Variants in LTF observed in about 807,000 individuals in gnomAD.
LTF encodes epididymis luminal protein 110.
In LTF, 91 loss-of-function variants were observed where a neutral mutation model predicts 87.2. The observed-to-expected ratio is 1.04, with a 90% CI of 0.88 to 1.24. LTF has a LOEUF of 1.24. LTF is among the 50% of genes most tolerant of loss of function. LTF has a pLI of 0.00. For synonymous variants in LTF, 378 were observed against 356.1 expected, an observed-to-expected ratio of 1.06 and a Z score of -0.69; for missense variants, 901 against 904.3, an observed-to-expected ratio of 1.00 and a Z score of 0.05.
intron 12 of LTF, 113 bp downstream of exon 12, chr3:46,445,168 C>A (rs1702617538): frequency 3.6e-6 from 4 of 1,123,426 alleles, no homozygotes; most frequent in Non-Finnish European, 5.0e-6. Context: ...TGGAAGAGGC[C>A]TGCAGGCCAC....
intron 13 of LTF, among the ~76,000 whole-genome samples, chr3:46,443,177 G>A (rs1702563755): frequency 6.6e-6 from 1 of 152,216 alleles, no homozygotes; most frequent in Non-Finnish European, 1.5e-5. Flanking sequence ...CGAGGCTATT[G>A]AGGCCTACTG....
At chr3:46,442,759 C>T (rs967515211) in intron 13 of LTF, among the ~76,000 whole-genome samples, 5 of 152,086 alleles carry the variant, frequency 3.3e-5, no homozygotes, top group South Asian at 2.1e-4. Context: ...AGACACATGA[C>T]GCCATCTGGT....
upstream of LTF, among the ~76,000 whole-genome samples, chr3:46,469,811 G>C (rs1703260934): frequency 1.3e-5 from 2 of 152,202 alleles, no homozygotes; most frequent in African/African-American, 4.8e-5. Flanking sequence ...TCCATCAGGA[G>C]GGAAGATCTG....
chr3:46,454,055 G>T, intron 6 of LTF: 1 of 518,562 alleles, frequency 1.9e-6, no homozygotes, highest in Non-Finnish European at 3.5e-6. Flanking sequence ...TGTCTTGGAG[G>T]ACTGGAGGAC....
chr3:46,478,999 C>A (rs1703397661), intron 1 of LTF, among the ~76,000 whole-genome samples: 1 of 152,204 alleles, frequency 6.6e-6, no homozygotes, highest in African/African-American at 2.4e-5. Context: ...TTATCCTGGA[C>A]CAGGTCCTTG....
chr3:46,441,539 T>C, intron 13 of LTF, 56 bp from the exon 14 acceptor site: 1 of 1,285,758 alleles, frequency 7.8e-7, no homozygotes, highest in Non-Finnish European at 1.1e-6. Flanking sequence ...AGTGGGGCTT[T>C]CATAAATATT....
chr3:46,479,156 A>G (rs969811968), intron 1 of LTF, among the ~76,000 whole-genome samples: 3 of 152,236 alleles, frequency 2.0e-5, no homozygotes, highest in African/African-American at 7.2e-5. Context: ...CCTGTGCCCA[A>G]GGCTCTGTGC....
At chr3:46,443,333 C>A (rs1191040935) in intron 13 of LTF, 108 bp downstream of exon 13, 5 of 1,352,750 alleles carry the variant, frequency 3.7e-6, no homozygotes, top group African/African-American at 2.9e-5. Flanking sequence ...CACAGGATGA[C>A]CCCCACTCTG....
At chr3:46,464,606 G>A (rs770141106) in intron 1 of LTF, among the ~76,000 whole-genome samples, 2 of 152,204 alleles carry the variant, frequency 1.3e-5, no homozygotes. Flanking sequence ...GCAGAGCTAG[G>A]CGTGCCCCGA....
intron 1 of LTF, 135 bp downstream of exon 1, chr3:46,464,690 C>G: frequency 1.1e-6 from 1 of 922,962 alleles, no homozygotes; most frequent in Non-Finnish European, 1.7e-6. Flanking sequence ...GGCCGCCTCC[C>G]GGCTGTAGGC....
At chr3:46,471,091 G>A (rs1290008565) in intron 1 of LTF, among the ~76,000 whole-genome samples, 5 of 152,192 alleles carry the variant, frequency 3.3e-5, no homozygotes, top group Non-Finnish European at 4.4e-5. Flanking sequence ...CTTGCAGACA[G>A]TGTTGACAGA....
intron 1 of LTF, among the ~76,000 whole-genome samples, chr3:46,478,619 A>C (rs1228149215): frequency 1.3e-5 from 2 of 152,290 alleles, no homozygotes; most frequent in South Asian, 2.1e-4. Flanking sequence ...GGCCAAGGGG[A>C]GGACAGAAGA....
intron 13 of LTF, among the ~76,000 whole-genome samples, chr3:46,442,940 A>G (rs1702558697): frequency 6.6e-6 from 1 of 152,122 alleles, no homozygotes; most frequent in African/African-American, 2.4e-5. Flanking sequence ...AATTCTGAAA[A>G]CTTGTTTTTT....
At chr3:46,453,469 G>A (rs753587561) in intron 6 of LTF, among the ~76,000 whole-genome samples, 6 of 151,780 alleles carry the variant, frequency 4.0e-5, no homozygotes, top group South Asian at 2.1e-4. Flanking sequence ...TGATGAATGC[G>A]GGGTCTGTCT....
chr3:46,450,422 G>T, intron 7 of LTF, 73 bp downstream of exon 7: 1 of 1,495,400 alleles, frequency 6.7e-7, no homozygotes, highest in Non-Finnish European at 9.1e-7. Context: ...AGTGGCAGAA[G>T]TCAGGGAAGT....
At chr3:46,459,968 C>T in intron 1 of LTF, 149 bp from the exon 2 acceptor site, 1 of 501,264 alleles carries the variant, frequency 2.0e-6, no homozygotes, top group Non-Finnish European at 3.3e-6. Flanking sequence ...CCATTCTCCA[C>T]AAGTGGAGGC....
At chr3:46,450,777 T>A in intron 6 of LTF, 104 bp from the exon 7 acceptor site, 2 of 968,504 alleles carry the variant, frequency 2.1e-6, no homozygotes, top group Non-Finnish European at 1.6e-6. Flanking sequence ...CTTGGGGAGA[T>A]AGCTGACAAA....
rs769379210 is a variant in LTF, at chr3:46,455,863, C to T, written c.432G>A (p.Trp144Ter). Residue 144 changes from tryptophan to a stop codon, truncating the protein, a stop_gained, in exon 4 of 17, where the codon TGG (tryptophan) becomes TGA (stop). Transcript: ENST00000231751. LOFTEE classifies it high-confidence loss of function. ...GACGAAGTGTCCCTATAGGGACATT[C>T]CATCCAGCGGTCCTGCGAAGGCCTG... ...CHTGLRRTAG[W>*]NVPIGTLRPF... 1 of 1,613,186 alleles carries T rather than the reference C, an allele frequency of 6.2e-7. No homozygotes were observed. The highest frequency in any genetic ancestry group is 1.1e-5 in the South Asian group (1 of 90,900).
At chr3:46,474,294 G>T (rs1703330363) in intron 1 of LTF, among the ~76,000 whole-genome samples, 1 of 152,132 alleles carries the variant, frequency 6.6e-6, no homozygotes, top group African/African-American at 2.4e-5. Context: ...TTAATAAAAA[G>T]AAAGCAGGAA....
Sources: allele counts gnomAD v4.1 joint callset (sites outside exome capture counted in the v4.1 genomes callset), GRCh38; gene constraint gnomAD v4.1.1; transcripts MANE v1.5; gene names NCBI Gene and HGNC (gene_info 2026-07-23, HGNC 2026-07-21).